Variants in CRCP observed in about 807,000 individuals in gnomAD.
CRCP encodes the protein CGRP receptor component.
Under a neutral mutation model 18.5 loss-of-function variants are expected in CRCP, and 18 were observed. The observed-to-expected ratio is 0.97, with a 90% CI of 0.67 to 1.44. The LOEUF (loss-of-function observed/expected upper bound fraction) is 1.44, where lower values mean the gene tolerates loss of function less well. CRCP is among the 40% of genes most tolerant of loss of function. The pLI is 0.00. For missense variants in CRCP, 130 were observed against 176.4 expected (o/e 0.74, Z 1.49); for synonymous variants, 53 against 62.9 (o/e 0.84, Z 0.75).
intron 4 of CRCP, among the ~76,000 whole-genome samples, chr7:66,136,950 G>A (rs1161761941): frequency 6.6e-6 from 1 of 151,466 alleles, no homozygotes; most frequent in Non-Finnish European, 1.5e-5. Flanking sequence ...GTGGTGACGG[G>A]GGCGCCTGTA....
intron 4 of CRCP, among the ~76,000 whole-genome samples, chr7:66,141,952 A>G (rs910249376): frequency 3.9e-5 from 6 of 152,080 alleles, no homozygotes; most frequent in Non-Finnish European, 8.8e-5. Context: ...CCTTGGGTGT[A>G]GGACAGGGAA....
rs548165174 is a variant in CRCP, at chr7:66,153,904, A to T, written c.*1547A>T. 2 of 151,962 alleles carry T rather than the reference A, an allele frequency of 1.3e-5. No individual in the cohort carries two copies. Among genetic ancestry groups the T allele is most frequent in the African/African-American group, 4.8e-5 (2 of 41,396 alleles). 9.4% of individuals were successfully genotyped at this position (151,962 alleles called of 1,614,324 possible). A position where few individuals can be genotyped will look rare whatever the true frequency, so the allele number is the denominator to read the frequency against. On this transcript the variant is annotated 3_prime_UTR_variant, in exon 6 of 6. Transcript: ENST00000395326. The stretch of plus-strand genomic sequence containing the variant: ...TGAAACCCCCATCTCTACTAAAGAT[A>T]TAAAAAACTAGCCGAGCGTGGTGTT...
At position 66,129,550 on chromosome 7, in the gene CRCP, C is replaced by G. The variant is rs573365119; in HGVS notation, c.46-1194C>G. Among the ~76,000 whole-genome samples the G allele has an allele frequency of 6.6e-5, 10 of 152,108 alleles. No homozygotes were observed. The South Asian group carries it at 2.1e-3, about 32-fold the overall frequency. The stretch of plus-strand genomic sequence containing the variant: ...CAAAAAGAAAGAAAGAAACCTACCC[C>G]CTTGTGGTGCTCCCCTCCCCCGCCC... On this transcript the variant is annotated intron_variant, in intron 2 of 5. Coordinates refer to ENST00000395326, the MANE Select transcript of CRCP (RefSeq NM_014478.5).
At chr7:66,127,878 C>T in intron 2 of CRCP, 138 bp downstream of exon 2, 1 of 916,566 alleles carries the variant, frequency 1.1e-6, no homozygotes, top group Non-Finnish European at 1.7e-6. Context: ...CTTTGGGAGG[C>T]TGAGGCTGGA....
At chr7:66,130,931 T>G in intron 3 of CRCP, 89 bp downstream of exon 3, 2 of 776,024 alleles carry the variant, frequency 2.6e-6, no homozygotes, top group Non-Finnish European at 4.5e-6. Context: ...AAATTAAGAT[T>G]GCTTTTTATA....
In CRCP at chr7:66,153,295, C is replaced by A. The variant is rs1276347314; in HGVS notation, c.*938C>A. 6.6e-6 allele frequency: 1 copy of A among 152,058 alleles called. No homozygotes were observed. Among genetic ancestry groups the A allele is most frequent in the Non-Finnish European group, 1.5e-5 (1 of 68,030 alleles). The allele number at this position is 152,058 out of a possible 1,614,324, so 9.4% of individuals were successfully genotyped here. A position where few individuals can be genotyped will look rare whatever the true frequency, so the allele number is the denominator to read the frequency against. Reference sequence around the variant, plus strand: ...TCTACTAAAAAAATACAAAATTAACCAGGGGTGATGGCACATTCCTGTAAT... The same window carrying A: ...TCTACTAAAAAAATACAAAATTAACAAGGGGTGATGGCACATTCCTGTAAT... On this transcript the variant is annotated 3_prime_UTR_variant, in exon 6 of 6. Transcript: ENST00000395326.
rs538136392 is a variant in CRCP, at chr7:66,138,938, A to C, written c.239+4564A>C. On this transcript the variant is annotated intron_variant, in intron 4 of 5. Coordinates refer to ENST00000395326, the MANE Select transcript of CRCP (RefSeq NM_014478.5). ...ATTATGTAAATTTATGTTTCTTACT[A>C]CATTTGTGAAGTTCTCAGCTATTTT... is the stretch of plus-strand genomic sequence containing the variant. Among the ~76,000 whole-genome samples, 12 of 151,826 alleles carry C rather than the reference A, an allele frequency of 7.9e-5. No homozygotes were observed. In the South Asian group the frequency reaches 2.5e-3, roughly 31 times the overall value.
chr7:66,132,337 CCTTT>C (rs1303998298), intron 3 of CRCP, among the ~76,000 whole-genome samples: 2 of 152,198 alleles, frequency 1.3e-5, no homozygotes, highest in Non-Finnish European at 2.9e-5. Context: ...CCTTACTCTT[CCTTT>C]GTCTTCCATG....
At chr7:66,137,519 TTGTCCCTGA>T (rs1788006018) in intron 4 of CRCP, among the ~76,000 whole-genome samples, 1 of 152,226 alleles carries the variant, frequency 6.6e-6, no homozygotes, top group African/African-American at 2.4e-5. Context: ...CATCCTCATC[TTGTCCCTGA>T]TATTAAGGGA....
At chr7:66,133,796 C>T (rs1229289240) in intron 3 of CRCP, among the ~76,000 whole-genome samples, 2 of 149,970 alleles carry the variant, frequency 1.3e-5, no homozygotes, top group Non-Finnish European at 3.0e-5. Context: ...TCCAATTACA[C>T]GAAGATTGGT....
At chr7:66,127,554 A>G (rs966471330) in intron 1 of CRCP, 150 bp from the exon 2 acceptor site, 2 of 830,868 alleles carry the variant, frequency 2.4e-6, no homozygotes, top group Admixed American at 4.7e-5. Flanking sequence ...ACCATGTTGG[A>G]CTTAGGACAT....
intron 1 of CRCP, among the ~76,000 whole-genome samples, chr7:66,121,481 A>G (rs893899644): frequency 6.8e-6 from 1 of 147,690 alleles, no homozygotes; most frequent in African/African-American, 2.5e-5. Context: ...TTTTTTTGAG[A>G]TGGAGTCTCA....
intron 4 of CRCP, among the ~76,000 whole-genome samples, chr7:66,135,201 T>C (rs1371781618): frequency 1.3e-5 from 2 of 152,188 alleles, no homozygotes; most frequent in Non-Finnish European, 2.9e-5. Flanking sequence ...GTAGAACCAA[T>C]AGTTCTACTC....
intron 2 of CRCP, chr7:66,130,181 C>T (rs1454856586): frequency 2.0e-5 from 5 of 244,878 alleles, no homozygotes; most frequent in Non-Finnish European, 3.8e-5. Context: ...TCCAGGCTCA[C>T]TGCAACCTCT....
chr7:66,116,183 A>C (rs577756712), intron 1 of CRCP, among the ~76,000 whole-genome samples: 1 of 152,180 alleles, frequency 6.6e-6, no homozygotes, highest in East Asian at 1.9e-4. Context: ...GTACACTCTC[A>C]TATTGTCTAT....
intron 4 of CRCP, 37 bp from the exon 5 acceptor site, chr7:66,145,406 C>T (rs758829870): frequency 1.5e-5 from 24 of 1,608,986 alleles, no homozygotes; most frequent in Non-Finnish European, 2.0e-5. Context: ...GGACTTAGGG[C>T]TATGCGAGTT....
At chr7:66,129,807 G>A (rs952132619) in intron 2 of CRCP, among the ~76,000 whole-genome samples, 3 of 152,086 alleles carry the variant, frequency 2.0e-5, no homozygotes, top group Admixed American at 2.0e-4. Context: ...ATTTCTGAAA[G>A]GACCAGCAGA....
chr7:66,117,740 T>C (rs1162235816), intron 1 of CRCP, among the ~76,000 whole-genome samples: 2 of 152,144 alleles, frequency 1.3e-5, no homozygotes, highest in Admixed American at 1.3e-4. Flanking sequence ...TGACTTTCCA[T>C]TGTACTTAGA....
At chr7:66,124,158 G>C (rs1334726298) in intron 1 of CRCP, among the ~76,000 whole-genome samples, 1 of 143,594 alleles carries the variant, frequency 7.0e-6, no homozygotes, top group African/African-American at 2.6e-5. Flanking sequence ...TCAGGAGATC[G>C]AGACCATCCT....
Sources: allele counts gnomAD v4.1 joint callset (sites outside exome capture counted in the v4.1 genomes callset), GRCh38; gene constraint gnomAD v4.1.1; transcripts MANE v1.5; gene names NCBI Gene and HGNC (gene_info 2026-07-23, HGNC 2026-07-21).